The following MND1 variants were observed in gnomAD, a reference collection of about 807,000 sequenced individuals.
MND1 encodes the protein meiotic nuclear division protein 1 homolog.
In MND1, 28 loss-of-function variants were observed where a neutral mutation model predicts 35.1. The observed-to-expected ratio is 0.80, with a 90% CI of 0.59 to 1.09. The LOEUF is 1.09. MND1 is among the 50% of genes least tolerant of loss of function. The probability of loss-of-function intolerance (pLI) is 0.00; values close to 1 mark genes in which losing one functional copy is unlikely to be tolerated. For missense variants in MND1, 213 were observed against 239.6 expected, an observed-to-expected ratio of 0.89 and a Z score of 0.73; for synonymous variants, 69 against 70.5, an observed-to-expected ratio of 0.98 and a Z score of 0.11.
intron 4 of MND1, 73 bp from the exon 5 acceptor site, chr4:153,394,189 G>A (rs1206160973): frequency 4.3e-6 from 6 of 1,406,806 alleles, no homozygotes; most frequent in South Asian, 3.6e-5. Flanking sequence ...TGCACCTGGT[G>A]GACTTTGTTT....
At chr4:153,388,598 T>C (rs915610579) in intron 4 of MND1, among the ~76,000 whole-genome samples, 1 of 152,240 alleles carries the variant, frequency 6.6e-6, no homozygotes, top group Non-Finnish European at 1.5e-5. Context: ...TTATTTACTT[T>C]AGTGAAATTT....
intron 6 of MND1, among the ~76,000 whole-genome samples, chr4:153,408,129 G>T (rs929057438): frequency 6.6e-6 from 1 of 152,138 alleles, no homozygotes; most frequent in Admixed American, 6.5e-5. Context: ...AATGAGCTGG[G>T]CATGGTGGCG....
intron 1 of MND1, among the ~76,000 whole-genome samples, chr4:153,346,586 C>A (rs552731345): frequency 1.3e-5 from 2 of 152,170 alleles, no homozygotes; most frequent in East Asian, 1.9e-4. Context: ...CTATGATACT[C>A]CTACTGTGGT....
At chr4:153,353,241 AT>A (rs1305640187) in intron 2 of MND1, among the ~76,000 whole-genome samples, 1 of 151,578 alleles carries the variant, frequency 6.6e-6, no homozygotes, top group Non-Finnish European at 1.5e-5. Flanking sequence ...ATGACTTAAT[AT>A]TTTCCTAAAT....
chr4:153,390,676 T>C (rs186847064), intron 4 of MND1, among the ~76,000 whole-genome samples: 13 of 151,978 alleles, frequency 8.6e-5, no homozygotes, highest in Admixed American at 2.0e-4. Context: ...ACAAAGTTCA[T>C]CTCTACAAAA....
At chr4:153,355,358 ATATG>A (rs1773314766) in intron 2 of MND1, among the ~76,000 whole-genome samples, 1 of 152,152 alleles carries the variant, frequency 6.6e-6, no homozygotes. Flanking sequence ...GTATATATAA[ATATG>A]TAGTAGAACA....
chr4:153,381,692 ATTTTTTTTTTTTTT>A lies in MND1; in HGVS notation c.277-12552_277-12539del, dbSNP rs765943574. ...AATATATATATATATATATATATAT[ATTTTTTTTTTTTTT>A]TTTTTTTTTTTTTTTTTAAGAGATA... is the stretch of plus-strand genomic sequence containing the variant. On this transcript the variant is annotated intron_variant, in intron 4 of 7. Coordinates refer to ENST00000240488, the MANE Select transcript of MND1 (RefSeq NM_032117.4). 146 of 17,412 alleles carry A rather than the reference ATTTTTTTTTTTTTT, an allele frequency of 8.4e-3. 6 individuals are homozygous for A. Among genetic ancestry groups the A allele is most frequent in the African/African-American group, 0.018 (96 of 5,216 alleles). 1.1% of individuals were successfully genotyped at this position (17,412 alleles called of 1,614,324 possible).
chr4:153,413,150 C>T (rs1447655974), intron 7 of MND1, among the ~76,000 whole-genome samples: 2 of 152,066 alleles, frequency 1.3e-5, no homozygotes, highest in East Asian at 3.8e-4. Flanking sequence ...TAGTCACATT[C>T]TGAGGTAGTA....
chr4:153,395,398 C>T (rs1036689326), intron 5 of MND1, among the ~76,000 whole-genome samples: 11 of 152,120 alleles, frequency 7.2e-5, no homozygotes, highest in Admixed American at 2.0e-4. Flanking sequence ...GTGCATCTTG[C>T]GGGGAAAAAC....
chr4:153,397,936 G>A (rs1729244707), intron 6 of MND1, among the ~76,000 whole-genome samples: 1 of 151,472 alleles, frequency 6.6e-6, no homozygotes, highest in African/African-American at 2.4e-5. Context: ...AAAATATAAG[G>A]TTAGAGAACT....
intron 4 of MND1, among the ~76,000 whole-genome samples, chr4:153,380,905 GTTT>G (rs11426639): frequency 6.8e-6 from 1 of 147,388 alleles, no homozygotes; most frequent in African/African-American, 2.5e-5. Flanking sequence ...AGACATCAGA[GTTT>G]TTTTTTTTTA....
chr4:153,347,078 A>G (rs1773093220), intron 1 of MND1, among the ~76,000 whole-genome samples: 2 of 152,204 alleles, frequency 1.3e-5, no homozygotes, highest in African/African-American at 4.8e-5. Context: ...GATTCCATTC[A>G]TTAGAGATGA....
chr4:153,349,978 A>G (rs1773172314), intron 1 of MND1, 86 bp from the exon 2 acceptor site: 1 of 885,030 alleles, frequency 1.1e-6, no homozygotes, highest in Non-Finnish European at 1.8e-6. Context: ...AGATAAGACC[A>G]TGCATAAAAT....
intron 4 of MND1, among the ~76,000 whole-genome samples, chr4:153,387,641 C>T (rs1728905240): frequency 6.6e-6 from 1 of 152,054 alleles, no homozygotes; most frequent in South Asian, 2.1e-4. Context: ...TGGTGCCTAC[C>T]TGTAGTCGTA....
At chr4:153,360,859 A>G (rs2149634822) in intron 4 of MND1, among the ~76,000 whole-genome samples, 1 of 152,070 alleles carries the variant, frequency 6.6e-6, no homozygotes, top group South Asian at 2.1e-4. Context: ...CTACTAAAGT[A>G]CCCAGGGTCT....
intron 1 of MND1, among the ~76,000 whole-genome samples, chr4:153,346,707 C>A (rs1048768177): frequency 3.4e-4 from 51 of 152,186 alleles, no homozygotes; most frequent in African/African-American, 1.2e-3. Flanking sequence ...ACTTTCATAG[C>A]TGCTGAGCTG....
intron 2 of MND1, among the ~76,000 whole-genome samples, chr4:153,352,293 A>T (rs952945217): frequency 6.6e-6 from 1 of 152,120 alleles, no homozygotes; most frequent in Non-Finnish European, 1.5e-5. Context: ...GGATGGATAT[A>T]TATGTGCGTG....
At chr4:153,360,584 ATGTG>A (rs141946781) in intron 4 of MND1, among the ~76,000 whole-genome samples, 1,696 of 145,152 alleles carry the variant, frequency 0.012, 28 homozygotes, top group African/African-American at 0.037. Flanking sequence ...TCTTTTCTGT[ATGTG>A]TGTGTGTGTG....
At chr4:153,351,269 A>C (rs1304563441) in intron 2 of MND1, among the ~76,000 whole-genome samples, 1 of 152,216 alleles carries the variant, frequency 6.6e-6, no homozygotes, top group Non-Finnish European at 1.5e-5. Context: ...GCTGTTTCTA[A>C]CTGAAAAATT....
Sources: gnomAD v4.1 joint callset for allele counts (sites outside exome capture counted in the v4.1 genomes callset) on GRCh38, gnomAD v4.1.1 for gene constraint, MANE v1.5 for transcripts, NCBI Gene and HGNC (gene_info 2026-07-23, HGNC 2026-07-21) for gene names.